Variants in RBFOX1 observed in about 807,000 individuals in gnomAD.
The protein encoded by RBFOX1 is RNA binding fox-1 homolog 1, also known as RNA binding protein fox-1 homolog 1.
Under a neutral mutation model 57.7 loss-of-function variants are expected in RBFOX1, and 8 were observed. The observed-to-expected ratio is 0.14, with a 90% CI of 0.08 to 0.25. RBFOX1 has a LOEUF of 0.25. RBFOX1 is among the 10% of genes least tolerant of loss of function. The pLI is 1.00. For synonymous variants in RBFOX1, 326 were observed against 222.4 expected (o/e 1.47, Z -4.15); for missense variants, 611 against 548.5 (o/e 1.11, Z -1.14).
intron 1 of RBFOX1, among the ~76,000 whole-genome samples, chr16:5,443,366 G>A (rs1156847595): frequency 6.6e-6 from 1 of 152,082 alleles, no homozygotes; most frequent in African/African-American, 2.4e-5. Flanking sequence ...TAGATGGAGT[G>A]TCACTCTGTT....
intron 4 of RBFOX1, among the ~76,000 whole-genome samples, chr16:7,361,844 G>A (rs554973868): frequency 4.0e-5 from 6 of 151,624 alleles, no homozygotes; most frequent in Admixed American, 2.0e-4. Flanking sequence ...ATGTATATAT[G>A]TTTTGTGTGT....
intron 4 of RBFOX1, among the ~76,000 whole-genome samples, chr16:7,062,892 CATTTT>C (rs1303696615): frequency 0.01 from 607 of 59,840 alleles, 145 homozygotes; most frequent in African/African-American, 0.025. Flanking sequence ...AAATGATCGC[CATTTT>C]TTTTTTTTTT....
chr16:6,705,335 G>A (rs2062543939), intron 3 of RBFOX1: 3 of 152,236 alleles, frequency 2.0e-5, no homozygotes. Flanking sequence ...AGCGATCCAT[G>A]GCATGATGGA....
chr16:7,204,781 C>T (rs189670014), intron 4 of RBFOX1, among the ~76,000 whole-genome samples: 7 of 152,182 alleles, frequency 4.6e-5, no homozygotes, highest in African/African-American at 1.7e-4. Flanking sequence ...TTCTCTTTTC[C>T]TTCTTTTCTC....
chr16:6,372,482 G>A (rs2090578171), intron 2 of RBFOX1, among the ~76,000 whole-genome samples: 1 of 151,768 alleles, frequency 6.6e-6, no homozygotes, highest in African/African-American at 2.4e-5. Flanking sequence ...TTGTTGGATG[G>A]AATGGAGATT....
At chr16:5,730,338 G>A (rs1321568034) in intron 3 of RBFOX1, among the ~76,000 whole-genome samples, 2 of 151,984 alleles carry the variant, frequency 1.3e-5, no homozygotes, top group African/African-American at 2.4e-5. Context: ...AGAATCCAGA[G>A]GAGCATATAG....
At chr16:5,626,566 A>G (rs762512603) in intron 3 of RBFOX1, among the ~76,000 whole-genome samples, 2 of 152,138 alleles carry the variant, frequency 1.3e-5, no homozygotes, top group African/African-American at 2.4e-5. Context: ...AACCAAAAAG[A>G]TCCTGGAATA....
At chr16:7,157,902 A>T (rs1040370440) in intron 4 of RBFOX1, among the ~76,000 whole-genome samples, 2 of 152,208 alleles carry the variant, frequency 1.3e-5, no homozygotes, top group Admixed American at 1.3e-4. Context: ...CCATTGGTAG[A>T]GACTTCCGAG....
chr16:7,647,866 C>T (rs1429568112), intron 11 of RBFOX1, among the ~76,000 whole-genome samples: 1 of 152,158 alleles, frequency 6.6e-6, no homozygotes, highest in Non-Finnish European at 1.5e-5. Flanking sequence ...GATGACATAA[C>T]TCTCACTCAA....
At chr16:6,207,204 G>C (rs905906361) in intron 1 of RBFOX1, among the ~76,000 whole-genome samples, 3 of 152,074 alleles carry the variant, frequency 2.0e-5, no homozygotes, top group East Asian at 1.9e-4. Context: ...TTTCCCTTTA[G>C]CTTTCTAGTG....
chr16:6,693,113 C>T (rs1368901677), intron 3 of RBFOX1, among the ~76,000 whole-genome samples: 2 of 151,712 alleles, frequency 1.3e-5, no homozygotes, highest in Non-Finnish European at 2.9e-5. Flanking sequence ...TCCTCATCCT[C>T]CCCCACCATC....
chr16:6,614,085 T>C (rs750793372), intron 2 of RBFOX1, among the ~76,000 whole-genome samples: 1 of 152,232 alleles, frequency 6.6e-6, no homozygotes, highest in African/African-American at 2.4e-5. Flanking sequence ...TTATTGTTTG[T>C]AGATTTTATA....
intron 3 of RBFOX1, among the ~76,000 whole-genome samples, chr16:5,623,025 T>C (rs1201463855): frequency 6.6e-6 from 1 of 152,206 alleles, no homozygotes; most frequent in African/African-American, 2.4e-5. Flanking sequence ...CCGCTTTGTA[T>C]GAGACTTGAA....
intron 3 of RBFOX1, among the ~76,000 whole-genome samples, chr16:6,722,536 T>A (rs1030555226): frequency 1.4e-5 from 2 of 142,908 alleles, no homozygotes; most frequent in African/African-American, 5.1e-5. Flanking sequence ...GCCAAGTCAT[T>A]TTGTATACTC....
intron 2 of RBFOX1, among the ~76,000 whole-genome samples, chr16:6,412,145 C>CA (rs1382315085): frequency 7.2e-6 from 1 of 139,796 alleles, no homozygotes; most frequent in African/African-American, 2.7e-5. Flanking sequence ...AAAAAAAAAA[C>CA]AAAAAAACAA....
chr16:5,942,399 G>A (rs1241950691), intron 4 of RBFOX1, among the ~76,000 whole-genome samples: 1 of 152,174 alleles, frequency 6.6e-6, no homozygotes, highest in African/African-American at 2.4e-5. Flanking sequence ...TGAGTCACGG[G>A]TCTGAGTGGA....
chr16:6,945,750 G>T (rs768460075), intron 3 of RBFOX1, among the ~76,000 whole-genome samples: 2 of 152,156 alleles, frequency 1.3e-5, no homozygotes, highest in Non-Finnish European at 2.9e-5. Context: ...AATTAGCTGA[G>T]GGTGGTGGCA....
chr16:5,967,229 A>C (rs1186577646), intron 4 of RBFOX1, among the ~76,000 whole-genome samples: 3 of 152,212 alleles, frequency 2.0e-5, no homozygotes, highest in African/African-American at 7.2e-5. Flanking sequence ...CAGAGGTCTG[A>C]AAGCTTTTTT....
intron 3 of RBFOX1, among the ~76,000 whole-genome samples, chr16:6,937,465 A>G (rs1181731808): frequency 2.0e-5 from 3 of 152,130 alleles, no homozygotes; most frequent in Non-Finnish European, 4.4e-5. Flanking sequence ...CAAACTCTGT[A>G]AAACGGTGAA....
Sources: allele counts gnomAD v4.1 joint callset (sites outside exome capture counted in the v4.1 genomes callset), GRCh38; gene constraint gnomAD v4.1.1; transcripts MANE v1.5; gene names NCBI Gene and HGNC (gene_info 2026-07-23, HGNC 2026-07-21).